The following WWOX variants were observed in gnomAD, a reference collection of about 807,000 sequenced individuals.
WWOX encodes the protein WW domain containing oxidoreductase.
In WWOX, 69 loss-of-function variants were observed where a neutral mutation model predicts 46.2. The observed-to-expected ratio is 1.49, with a 90% CI of 1.23 to 1.82. The LOEUF (loss-of-function observed/expected upper bound fraction) is 1.82. Ranked by LOEUF, WWOX falls within the 40% of genes most tolerant of loss-of-function variation. WWOX has a pLI of 0.00. For missense variants in WWOX, 919 were observed against 542.6 expected, an observed-to-expected ratio of 1.69 and a Z score of -6.89; for synonymous variants, 359 against 202.6, an observed-to-expected ratio of 1.77 and a Z score of -6.56.
chr16:79,070,123 A>G (rs1470036031), intron 8 of WWOX, among the ~76,000 whole-genome samples: 3 of 152,356 alleles, frequency 2.0e-5, no homozygotes, highest in Admixed American at 6.5e-5. Flanking sequence ...TTGACTTGAA[A>G]GAGAAAAGTT....
intron 5 of WWOX, among the ~76,000 whole-genome samples, chr16:78,275,239 G>A (rs923878567): frequency 6.6e-6 from 1 of 152,006 alleles, no homozygotes; most frequent in Non-Finnish European, 1.5e-5. Flanking sequence ...TTTAAAGTTC[G>A]CATAAAAACC....
At chr16:78,667,017 C>G (rs1009115270) in intron 8 of WWOX, among the ~76,000 whole-genome samples, 3 of 152,108 alleles carry the variant, frequency 2.0e-5, no homozygotes, top group African/African-American at 4.8e-5. Context: ...ACTCTAAAAC[C>G]CAACTGCTGG....
At chr16:78,462,047 C>T (rs2083963720) in intron 8 of WWOX, among the ~76,000 whole-genome samples, 1 of 152,194 alleles carries the variant, frequency 6.6e-6, no homozygotes. Flanking sequence ...TACCTTTTTA[C>T]ATATGCACAT....
chr16:79,011,025 T>C (rs1179156719), intron 8 of WWOX, among the ~76,000 whole-genome samples: 1 of 152,022 alleles, frequency 6.6e-6, no homozygotes, highest in African/African-American at 2.4e-5. Flanking sequence ...ATTTCTAACA[T>C]CTCACCATCT....
chr16:78,719,682 C>G lies in WWOX; in HGVS notation c.1056+286930C>G, dbSNP rs114314791. On this transcript the variant is annotated intron_variant, in intron 8 of 8. Transcript: ENST00000566780. ...ACTGGTTTAGTAATTTTCATATATA[C>G]TTATTTCCTCTGAAATGTATTAGTA... 5.7e-3 allele frequency among the ~76,000 whole-genome samples: 865 copies of G among 152,270 alleles called. 7 individuals are homozygous for G. The highest frequency in any genetic ancestry group is 0.02 in the African/African-American group (816 of 41,564).
chr16:78,197,324 A>G (rs999234259), intron 5 of WWOX, among the ~76,000 whole-genome samples: 2 of 152,142 alleles, frequency 1.3e-5, no homozygotes, highest in Admixed American at 6.5e-5. Flanking sequence ...AAGCTTTAAT[A>G]TGAGCACACC....
chr16:78,481,519 C>A (rs1449429713), intron 8 of WWOX, among the ~76,000 whole-genome samples: 1 of 152,016 alleles, frequency 6.6e-6, no homozygotes. Flanking sequence ...TTATCATTAG[C>A]CCTGGGAGAG....
At chr16:78,973,403 A>G (rs2046510401) in intron 8 of WWOX, among the ~76,000 whole-genome samples, 1 of 152,252 alleles carries the variant, frequency 6.6e-6, no homozygotes. Flanking sequence ...TTAACAGCAC[A>G]ATACAGAGAA....
At chr16:78,820,712 C>A (rs973406515) in intron 8 of WWOX, among the ~76,000 whole-genome samples, 1 of 152,174 alleles carries the variant, frequency 6.6e-6, no homozygotes, top group Admixed American at 6.5e-5. Context: ...CAAATTATCG[C>A]AAACTGGGTA....
At chr16:78,501,914 C>T (rs1464348176) in intron 8 of WWOX, among the ~76,000 whole-genome samples, 1 of 152,082 alleles carries the variant, frequency 6.6e-6, no homozygotes, top group Non-Finnish European at 1.5e-5. Flanking sequence ...AAGGTGAAAA[C>T]CACTGTGGTC....
At position 78,210,963 on chromosome 16, in the gene WWOX, G is replaced by C. The variant is rs190089371; in HGVS notation, c.516+46674G>C. ...ATTTAAGTACATCTGGGATAAAGTG[G>C]CCTTGGCTTTAACTATGAAACAAAT... On this transcript the variant is annotated intron_variant, in intron 5 of 8. Transcript: ENST00000566780. Among the ~76,000 whole-genome samples the C allele has an allele frequency of 2.0e-5, 3 of 152,264 alleles. No homozygotes were observed. The South Asian group carries it at 6.2e-4, about 32-fold the overall frequency.
intron 8 of WWOX, among the ~76,000 whole-genome samples, chr16:78,868,093 C>T (rs2044045723): frequency 6.6e-6 from 1 of 152,164 alleles, no homozygotes; most frequent in South Asian, 2.1e-4. Flanking sequence ...TTCATAGCAG[C>T]ATCATCCATG....
At chr16:78,420,165 C>T (rs754127224) in intron 6 of WWOX, among the ~76,000 whole-genome samples, 2 of 151,922 alleles carry the variant, frequency 1.3e-5, no homozygotes, top group Admixed American at 1.3e-4. Context: ...ACAGTCCTGG[C>T]GGAAATGTAA....
At chr16:78,166,074 C>G (rs1846498475) in intron 5 of WWOX, among the ~76,000 whole-genome samples, 1 of 152,016 alleles carries the variant, frequency 6.6e-6, no homozygotes, top group African/African-American at 2.4e-5. Flanking sequence ...GAAAGTCGTT[C>G]TTGGTCCTTC....
intron 8 of WWOX, among the ~76,000 whole-genome samples, chr16:78,672,922 C>T (rs891893828): frequency 3.3e-5 from 5 of 152,228 alleles, no homozygotes; most frequent in African/African-American, 4.8e-5. Context: ...CTTCCTCCTT[C>T]GTCTCTCTGG....
intron 5 of WWOX, among the ~76,000 whole-genome samples, chr16:78,180,937 T>C (rs1029784000): frequency 1.3e-5 from 2 of 152,140 alleles, no homozygotes; most frequent in Non-Finnish European, 2.9e-5. Flanking sequence ...TTAAAAGGCC[T>C]GAGATGATGG....
intron 8 of WWOX, among the ~76,000 whole-genome samples, chr16:78,471,218 T>A (rs1047748724): frequency 2.0e-5 from 3 of 152,214 alleles, no homozygotes; most frequent in East Asian, 1.9e-4. Flanking sequence ...GCGTGATTCT[T>A]CATCCAGGAT....
rs1567446019 is a variant in WWOX, at chr16:78,968,096, TGGCACAGCGCGTGGTCCGC to T, written c.1057-243510_1057-243492del. Among the ~76,000 whole-genome samples the T allele has an allele frequency of 2.2e-3, 296 of 131,652 alleles. No individual in the cohort carries two copies. In the Middle Eastern group the frequency reaches 0.026, roughly 12 times the overall value. 86.4% of individuals were successfully genotyped at this position (131,652 alleles called of 152,430 possible). A position where few individuals can be genotyped will look rare whatever the true frequency, so the allele number is the denominator to read the frequency against. On this transcript the variant is annotated intron_variant, in intron 8 of 8. Coordinates refer to ENST00000566780, the MANE Select transcript of WWOX (RefSeq NM_016373.4). Reference sequence around the variant, plus strand: ...TGTATGGCACAGTGCATGGTCCGCATGGCACAGCGCGTGGTCCGCGTGGCACAGCGCGTGGTCCGTGTGG... The same window carrying T: ...TGTATGGCACAGTGCATGGTCCGCATGTGGCACAGCGCGTGGTCCGTGTGG...
At chr16:78,315,284 G>GA (rs1308214805) in intron 5 of WWOX, among the ~76,000 whole-genome samples, 6 of 152,012 alleles carry the variant, frequency 3.9e-5, no homozygotes, top group African/African-American at 1.4e-4. Flanking sequence ...AAGTGAAACT[G>GA]TTTTTTTTCC....
Sources: allele counts gnomAD v4.1 joint callset (sites outside exome capture counted in the v4.1 genomes callset), GRCh38; gene constraint gnomAD v4.1.1; transcripts MANE v1.5; gene names NCBI Gene and HGNC (gene_info 2026-07-23, HGNC 2026-07-21).